REV3L: variants seen among roughly 807,000 people sequenced by gnomAD.
REV3L encodes DNA polymerase zeta catalytic subunit.
A neutral mutation model predicts 299.4 loss-of-function variants in REV3L; 69 were observed. That is an observed-to-expected ratio of 0.23 (90% CI 0.19 to 0.28). The LOEUF is 0.28. Among genes scored for constraint, REV3L ranks in the 10% least tolerant of loss-of-function variants. REV3L has a pLI of 1.00. For synonymous variants in REV3L, 1,238 were observed against 1,271.4 expected (o/e 0.97, Z 0.56); for missense variants, 3,128 against 3,693.8 (o/e 0.85, Z 3.97).
Position 111,414,728 on chromosome 6 carries a change from G to A in REV3L, c.329+1555C>T, listed in dbSNP as rs573031060. Among the ~76,000 whole-genome samples, 76 of 152,124 alleles carry A rather than the reference G, an allele frequency of 5.0e-4. 1 individual carries two copies. The highest frequency in any genetic ancestry group is 7.7e-4 in the African/African-American group (32 of 41,522). On this transcript the variant is annotated intron_variant, in intron 2 of 31. Transcript: ENST00000368802. The stretch of plus-strand genomic sequence containing the variant: ...TCAGTTGACTCTACCTCTACCTTCC[G>A]TCTTCCTAGCAGAACACCCTTAAAC...
chr6:111,422,659 TATACATATATATATATATAC>T (rs1785647418), intron 1 of REV3L, among the ~76,000 whole-genome samples: 2 of 36,180 alleles, frequency 5.5e-5, no homozygotes, highest in South Asian at 9.9e-4. Context: ...CATATATATA[TATACATATATATATATATAC>T]GTATATATAT....
intron 1 of REV3L, among the ~76,000 whole-genome samples, chr6:111,456,917 C>G (rs1790226708): frequency 6.6e-6 from 1 of 152,032 alleles, no homozygotes; most frequent in African/African-American, 2.4e-5. Context: ...TTTAGTAGTT[C>G]AAAAAGTCTG....
intron 4 of REV3L, among the ~76,000 whole-genome samples, chr6:111,403,176 G>C (rs1783261332): frequency 6.6e-6 from 1 of 152,154 alleles, no homozygotes. Flanking sequence ...TAAATGTGCA[G>C]TATGGGCAAA....
At chr6:111,402,529 T>C (rs1454973322) in intron 4 of REV3L, among the ~76,000 whole-genome samples, 3 of 152,222 alleles carry the variant, frequency 2.0e-5, no homozygotes, top group Non-Finnish European at 4.4e-5. Flanking sequence ...GTTCATAAAC[T>C]CTTCAATGTA....
intron 25 of REV3L, among the ~76,000 whole-genome samples, chr6:111,326,303 T>C (rs1774806862): frequency 6.6e-6 from 1 of 152,062 alleles, no homozygotes; most frequent in Non-Finnish European, 1.5e-5. Context: ...AACAAATAAT[T>C]CGATTAAAAA....
intron 25 of REV3L, among the ~76,000 whole-genome samples, chr6:111,325,309 C>T (rs1774661731): frequency 1.3e-5 from 2 of 152,130 alleles, no homozygotes; most frequent in South Asian, 4.1e-4. Context: ...TAGTAGAAAA[C>T]TGTCAACATA....
At chr6:111,336,522 A>G (rs1775908274) in intron 21 of REV3L, among the ~76,000 whole-genome samples, 1 of 152,188 alleles carries the variant, frequency 6.6e-6, no homozygotes, top group Non-Finnish European at 1.5e-5. Context: ...AGATAATAAC[A>G]GTATATTACC....
chr6:111,358,217 T>A (rs1778294061), intron 17 of REV3L, among the ~76,000 whole-genome samples: 2 of 152,104 alleles, frequency 1.3e-5, no homozygotes, highest in Admixed American at 6.6e-5. Context: ...ATAAGCAAAG[T>A]AAGAATATAT....
At chr6:111,369,642 G>C (rs1350068412) in intron 13 of REV3L, among the ~76,000 whole-genome samples, 3 of 151,996 alleles carry the variant, frequency 2.0e-5, no homozygotes, top group Non-Finnish European at 2.9e-5. Context: ...ATAATGTTAA[G>C]TGAAAAATTT....
chr6:111,338,312 CTTTTTTTTTTTTTTTTTTTTTTTT>C lies in REV3L; in HGVS notation c.7539-2726_7539-2703del, dbSNP rs144497761. Among the ~76,000 whole-genome samples the C allele has an allele frequency of 4.2e-3, 200 of 47,944 alleles. 1 individual carries two copies. Among genetic ancestry groups the C allele is most frequent in the Admixed American group, 0.013 (57 of 4,492 alleles). 31.5% of individuals were successfully genotyped at this position (47,944 alleles called of 152,430 possible). A position where few individuals can be genotyped will look rare whatever the true frequency, so the allele number is the denominator to read the frequency against. The stretch of plus-strand genomic sequence containing the variant: ...TCTTTGTTTACTCCAGTCTAAAGTC[CTTTTTTTTTTTTTTTTTTTTTTTT>C]TTTTTTTTTTTTTTTTAAATAAGAC... On this transcript the variant is annotated intron_variant, in intron 21 of 31. Transcript: ENST00000368802.
At chr6:111,416,632 A>G (rs1024926878) in intron 1 of REV3L, among the ~76,000 whole-genome samples, 160 bp from the exon 2 acceptor site, 15 of 152,244 alleles carry the variant, frequency 9.9e-5, no homozygotes, top group Non-Finnish European at 1.6e-4. Context: ...TATTAACTAC[A>G]TTTTACAACA....
intron 26 of REV3L, among the ~76,000 whole-genome samples, chr6:111,319,480 A>G (rs1773901602): frequency 6.6e-6 from 1 of 152,044 alleles, no homozygotes; most frequent in Admixed American, 6.6e-5. Flanking sequence ...AAAAAAAAAA[A>G]AAGTTTCTGC....
intron 4 of REV3L, among the ~76,000 whole-genome samples, chr6:111,403,978 A>C (rs888582530): frequency 4.5e-4 from 69 of 152,340 alleles, no homozygotes; most frequent in African/African-American, 1.6e-3. Flanking sequence ...GCTGATGTAG[A>C]AGCTGCAGCA....
intron 1 of REV3L, among the ~76,000 whole-genome samples, chr6:111,424,915 G>A (rs1785985537): frequency 6.6e-6 from 1 of 152,142 alleles, no homozygotes; most frequent in Non-Finnish European, 1.5e-5. Flanking sequence ...GTACAAACAG[G>A]AATGAAATGT....
At chr6:111,368,729 CTCTG>C (rs1430073640) in intron 13 of REV3L, among the ~76,000 whole-genome samples, 2 of 152,092 alleles carry the variant, frequency 1.3e-5, no homozygotes, top group Non-Finnish European at 2.9e-5. Flanking sequence ...TAAGTGAAAC[CTCTG>C]TCTTTCTCCA....
intron 16 of REV3L, among the ~76,000 whole-genome samples, chr6:111,362,993 C>A (rs556261253): frequency 1.3e-5 from 2 of 152,302 alleles, no homozygotes; most frequent in Admixed American, 6.5e-5. Context: ...TATCTTACTG[C>A]CAGTCAGATA....
intron 21 of REV3L, among the ~76,000 whole-genome samples, chr6:111,339,828 G>A (rs1418140010): frequency 6.6e-6 from 1 of 152,068 alleles, no homozygotes; most frequent in Non-Finnish European, 1.5e-5. Context: ...TAACATAAAA[G>A]AGAAAGAGTA....
intron 1 of REV3L, chr6:111,430,769 G>A: frequency 1.9e-6 from 3 of 1,601,630 alleles, no homozygotes; most frequent in Non-Finnish European, 2.6e-6. Context: ...GAGAGCGCAG[G>A]AGCAGCTTGA....
chr6:111,330,888 G>T, intron 24 of REV3L: 3 of 648,554 alleles, frequency 4.6e-6, no homozygotes, highest in Non-Finnish European at 5.7e-6. Context: ...TGAACTCTTT[G>T]GTTAAAATTT....
Sources: gnomAD v4.1 joint callset for allele counts (sites outside exome capture counted in the v4.1 genomes callset) on GRCh38, gnomAD v4.1.1 for gene constraint, MANE v1.5 for transcripts, NCBI Gene and HGNC (gene_info 2026-07-23, HGNC 2026-07-21) for gene names.